Variants in SMOC2 observed in about 807,000 individuals in gnomAD.
SMOC2 encodes the protein SPARC related modular calcium binding 2, also known as SPARC-related modular calcium-binding protein 2.
Under a neutral mutation model 61.4 loss-of-function variants are expected in SMOC2, and 39 were observed. The observed-to-expected ratio is 0.64, with a 90% CI of 0.49 to 0.83. SMOC2 has a LOEUF of 0.83. Ranked by LOEUF, SMOC2 falls within the 40% of genes least tolerant of loss-of-function variation. SMOC2 has a pLI of 0.00. For missense variants in SMOC2, 556 were observed against 592.9 expected, an observed-to-expected ratio of 0.94 and a Z score of 0.65; for synonymous variants, 247 against 239.9, an observed-to-expected ratio of 1.03 and a Z score of -0.27.
intron 7 of SMOC2, among the ~76,000 whole-genome samples, chr6:168,590,583 G>A (rs189008853): frequency 3.5e-5 from 5 of 144,286 alleles, no homozygotes; most frequent in East Asian, 3.9e-4. Context: ...GCCCCTAAGC[G>A]TGTGAGCTTG....
Position 168,556,605 on chromosome 6 carries a change from T to A in SMOC2, c.637+7402T>A, listed in dbSNP as rs189120447. Among the ~76,000 whole-genome samples the A allele has an allele frequency of 2.1e-3, 325 of 152,042 alleles. 2 individuals carry two copies. The highest frequency in any genetic ancestry group is 0.01 in the Middle Eastern group (3 of 294). On this transcript the variant is annotated intron_variant, in intron 7 of 12. Coordinates refer to ENST00000356284, the MANE Select transcript of SMOC2 (RefSeq NM_001166412.2). ...AATGCGCCTTGGGATCTTTTTTTTT[T>A]AAATTATACTTTAAGTTTTAGGGTA...
In SMOC2 at chr6:168,510,068, T is replaced by G; in HGVS notation, c.238T>G (p.Tyr80Asp). 6.2e-7 allele frequency: 1 copy of G among 1,614,112 alleles called. No homozygotes were observed. The highest frequency in any genetic ancestry group is 1.7e-5 in the Admixed American group (1 of 60,028). The part of the protein sequence containing the change: ...KCKDPQLEIA[Y>D]RGNCKDVSRC... ...CAAAGATCCCCAGCTAGAGATTGCA[T>G]ATCGAGGAAACTGCAAAGGTAAGCT... Residue 80 changes from tyrosine (Y) to aspartate (D), a missense_variant, in exon 2 of 13, where the codon TAT (tyrosine) becomes GAT (aspartate). By Grantham distance (160) the Tyr-to-Asp change is radical. Coordinates refer to ENST00000356284, the MANE Select transcript of SMOC2 (RefSeq NM_001166412.2).
intron 1 of SMOC2, among the ~76,000 whole-genome samples, chr6:168,470,687 A>T (rs1308054970): frequency 6.6e-6 from 1 of 152,148 alleles, no homozygotes; most frequent in Non-Finnish European, 1.5e-5. Flanking sequence ...AAAAAAGTAA[A>T]ATTAAATAAA....
intron 7 of SMOC2, among the ~76,000 whole-genome samples, chr6:168,578,218 C>T (rs753151): frequency 0.45 from 69,096 of 152,030 alleles, 16,146 homozygotes; most frequent in African/African-American, 0.57. Flanking sequence ...CTTCTCCCCT[C>T]GTCTGTGAAG....
At chr6:168,497,847 T>C (rs1053988928) in intron 1 of SMOC2, among the ~76,000 whole-genome samples, 5 of 151,974 alleles carry the variant, frequency 3.3e-5, no homozygotes, top group Admixed American at 3.3e-4. Flanking sequence ...TGATGGGGGG[T>C]GCTGAAGGGC....
chr6:168,554,653 G>A (rs943235820), intron 7 of SMOC2, among the ~76,000 whole-genome samples: 3 of 152,208 alleles, frequency 2.0e-5, no homozygotes, highest in Non-Finnish European at 4.4e-5. Context: ...CACAGTCCTC[G>A]GAGCTGGCAG....
At chr6:168,662,734 G>A (rs1043438114) in intron 11 of SMOC2, among the ~76,000 whole-genome samples, 2 of 152,186 alleles carry the variant, frequency 1.3e-5, no homozygotes, top group Non-Finnish European at 2.9e-5. Flanking sequence ...GAGGTGGGCG[G>A]TTCCGGCCAC....
chr6:168,547,534 A>G (rs768506341), intron 6 of SMOC2, among the ~76,000 whole-genome samples: 11 of 152,058 alleles, frequency 7.2e-5, no homozygotes, highest in Non-Finnish European at 1.3e-4. Flanking sequence ...ATGAAATGAC[A>G]ATGGATGGCA....
chr6:168,588,992 A>G (rs1203709471), intron 7 of SMOC2, among the ~76,000 whole-genome samples: 1 of 149,458 alleles, frequency 6.7e-6, no homozygotes, highest in Non-Finnish European at 1.5e-5. Flanking sequence ...CAAGAGAATC[A>G]CTTGAACCGG....
intron 1 of SMOC2, among the ~76,000 whole-genome samples, chr6:168,459,604 TG>T (rs1781672286): frequency 2.7e-4 from 1 of 3,664 alleles, no homozygotes; most frequent in Non-Finnish European, 5.1e-4. Context: ...GGGTGAGCAC[TG>T]GGGTGGGTGA....
chr6:168,557,698 G>A (rs1784280364), intron 7 of SMOC2, among the ~76,000 whole-genome samples: 1 of 152,164 alleles, frequency 6.6e-6, no homozygotes, highest in Admixed American at 6.5e-5. Flanking sequence ...TCATGGGTCT[G>A]ATGTTGACGT....
At chr6:168,666,126 A>T (rs1787655526) in intron 12 of SMOC2, among the ~76,000 whole-genome samples, 1 of 152,252 alleles carries the variant, frequency 6.6e-6, no homozygotes, top group Non-Finnish European at 1.5e-5. Flanking sequence ...AATCAAGGTG[A>T]TAAGACATTC....
intron 9 of SMOC2, among the ~76,000 whole-genome samples, chr6:168,614,889 A>G (rs180874984): frequency 0.83 from 1,051 of 1,262 alleles, 502 homozygotes; most frequent in Middle Eastern, 1. Flanking sequence ...AGCACAGGGG[A>G]CCTCTTCACA....
chr6:168,664,824 GTCTC>G (rs1282861660), intron 12 of SMOC2: 4 of 470,644 alleles, frequency 8.5e-6, no homozygotes, highest in Non-Finnish European at 1.8e-5. Flanking sequence ...GTGGGTTCAT[GTCTC>G]TCTCCTTCAA....
At chr6:168,442,622 T>C (rs1374995609) in intron 1 of SMOC2, among the ~76,000 whole-genome samples, 1 of 152,268 alleles carries the variant, frequency 6.6e-6, no homozygotes, top group Non-Finnish European at 1.5e-5. Context: ...TAAAGGTGTT[T>C]ATTGTATTGA....
chr6:168,648,928 G>A (rs1371794909), intron 9 of SMOC2, among the ~76,000 whole-genome samples: 2 of 152,214 alleles, frequency 1.3e-5, no homozygotes, highest in Admixed American at 1.3e-4. Flanking sequence ...CTTGGCTGCT[G>A]TCCACACCAC....
At chr6:168,545,274 A>G (rs1305300997) in intron 5 of SMOC2, among the ~76,000 whole-genome samples, 1 of 151,828 alleles carries the variant, frequency 6.6e-6, no homozygotes, top group Non-Finnish European at 1.5e-5. Flanking sequence ...AAAAAAATCT[A>G]GAGGAATTAG....
At chr6:168,565,884 A>C (rs9455658) in intron 7 of SMOC2, among the ~76,000 whole-genome samples, 3,284 of 152,268 alleles carry the variant, frequency 0.022, 126 homozygotes, top group African/African-American at 0.075. Context: ...GGGGATTCTC[A>C]CCTGACCTCG....
intron 9 of SMOC2, among the ~76,000 whole-genome samples, chr6:168,611,965 G>A (rs1171928775): frequency 6.6e-6 from 1 of 152,194 alleles, no homozygotes; most frequent in African/African-American, 2.4e-5. Flanking sequence ...TGCCTCACAG[G>A]GTCCCTGGGG....
Sources: allele counts gnomAD v4.1 joint callset (sites outside exome capture counted in the v4.1 genomes callset), GRCh38; gene constraint gnomAD v4.1.1; transcripts MANE v1.5; gene names NCBI Gene and HGNC (gene_info 2026-07-23, HGNC 2026-07-21).